SYT12: variants seen among roughly 807,000 people sequenced by gnomAD.
The protein encoded by SYT12 is synaptotagmin 12.
In SYT12, 27 loss-of-function variants were observed where a neutral mutation model predicts 39.5. That is an observed-to-expected ratio of 0.68 (90% CI 0.50 to 0.94). The LOEUF (loss-of-function observed/expected upper bound fraction) is 0.94, where lower values mean the gene tolerates loss of function less well. Among genes scored for constraint, SYT12 ranks in the 40% least tolerant of loss-of-function variants. The pLI, the probability that SYT12 is intolerant of heterozygous loss-of-function variation, is 0.00. For missense variants in SYT12, 536 were observed against 572.6 expected (o/e 0.94, Z 0.65); for synonymous variants, 233 against 239.7 (o/e 0.97, Z 0.26).
At chr11:67,023,851 G>A (rs535399720) in intron 1 of SYT12, among the ~76,000 whole-genome samples, 1 of 152,340 alleles carries the variant, frequency 6.6e-6, no homozygotes, top group South Asian at 2.1e-4. Flanking sequence ...ACACCCTGGA[G>A]GTTCCCGAGG....
chr11:67,041,305 C>T (rs1472789660), intron 4 of SYT12, among the ~76,000 whole-genome samples: 1 of 152,006 alleles, frequency 6.6e-6, no homozygotes, highest in African/African-American at 2.4e-5. Context: ...AACCCCGTCT[C>T]TACTAAAAAT....
At chr11:67,038,870 C>T (rs1376534715) in intron 3 of SYT12, among the ~76,000 whole-genome samples, 1 of 151,284 alleles carries the variant, frequency 6.6e-6, no homozygotes, top group Non-Finnish European at 1.5e-5. Flanking sequence ...GCCTGTAGTC[C>T]CAGCTACTTG....
chr11:67,039,702 G>T lies in SYT12; in HGVS notation c.229-109G>T, dbSNP rs550196929. The T allele has an allele frequency of 4.4e-5, 60 of 1,357,150 alleles. No individual in the cohort carries two copies. In the African/African-American group the frequency reaches 7.2e-4, roughly 16 times the overall value. 84.1% of individuals were successfully genotyped at this position (1,357,150 alleles called of 1,614,324 possible). A position where few individuals can be genotyped will look rare whatever the true frequency, so the allele number is the denominator to read the frequency against. On this transcript the variant is annotated intron_variant, in intron 3 of 7. Coordinates refer to ENST00000527043, the MANE Select transcript of SYT12 (RefSeq NM_177963.4). The stretch of plus-strand genomic sequence containing the variant: ...GGGATGCAGGGCTTCTGTGAAAGGG[G>T]AACTTGGAGATTCGAGAATGAACAG...
intron 3 of SYT12, among the ~76,000 whole-genome samples, chr11:67,035,790 T>TTTTCTTTTC (rs1491375358): frequency 1.6e-4 from 12 of 73,228 alleles, no homozygotes; most frequent in African/African-American, 6.6e-4. Context: ...TTTTCTTTTC[T>TTTTCTTTTC]TTCCTTCCTT....
At chr11:67,048,257 T>G (rs1590660246) in intron 7 of SYT12, among the ~76,000 whole-genome samples, 10 of 133,134 alleles carry the variant, frequency 7.5e-5, no homozygotes, top group African/African-American at 8.6e-5. Flanking sequence ...GGTAACAGAG[T>G]GAGACTGTCT....
chr11:67,016,287 G>A (rs1489895135), intron 3 of SYT12, among the ~76,000 whole-genome samples: 1 of 152,068 alleles, frequency 6.6e-6, no homozygotes, highest in Non-Finnish European at 1.5e-5. Flanking sequence ...GTCTCATTAA[G>A]AAAATAAATA....
intron 3 of SYT12, among the ~76,000 whole-genome samples, chr11:67,013,319 T>G (rs1208625760): frequency 6.6e-6 from 1 of 152,192 alleles, no homozygotes; most frequent in Non-Finnish European, 1.5e-5. Flanking sequence ...CAAGCTCTTG[T>G]GTCTGCCGAG....
In SYT12 at chr11:67,034,631, C is replaced by G. The variant is rs767482776; in HGVS notation, c.35-14C>G. 6.3e-7 allele frequency: 1 copy of G among 1,575,794 alleles called. No individual in the cohort carries two copies. Among genetic ancestry groups the G allele is most frequent in the Non-Finnish European group, 8.6e-7 (1 of 1,166,778 alleles). Reference sequence around the variant, plus strand: ...ACTAGGAAGCCCTAATGAGAGGCTGCCCTTGCCTTGCAGTCATCAAGAGCC... The same window carrying G: ...ACTAGGAAGCCCTAATGAGAGGCTGGCCTTGCCTTGCAGTCATCAAGAGCC... On this transcript the variant is annotated splice_polypyrimidine_tract_variant and intron_variant, in intron 2 of 7. Coordinates refer to ENST00000527043, the MANE Select transcript of SYT12 (RefSeq NM_177963.4).
intron 3 of SYT12, among the ~76,000 whole-genome samples, chr11:67,014,772 T>G (rs1244746542): frequency 1.1e-4 from 16 of 152,124 alleles, no homozygotes; most frequent in Admixed American, 1.0e-3. Context: ...GTGCCCTGGC[T>G]GGCTGTCCGT....
intron 3 of SYT12, among the ~76,000 whole-genome samples, chr11:67,038,526 A>G (rs1950432112): frequency 6.6e-6 from 1 of 152,002 alleles, no homozygotes; most frequent in African/African-American, 2.4e-5. Context: ...CTGTGTTGTA[A>G]ACTTCCCTTG....
intron 3 of SYT12, among the ~76,000 whole-genome samples, chr11:67,038,086 T>A (rs1342642598): frequency 6.6e-6 from 1 of 151,500 alleles, no homozygotes. Flanking sequence ...TGGAAGATGC[T>A]TATGGAATAA....
At chr11:67,043,995 A>G (rs922524750) in intron 5 of SYT12, 142 bp downstream of exon 5, 1 of 818,320 alleles carries the variant, frequency 1.2e-6, no homozygotes, top group African/African-American at 1.7e-5. Flanking sequence ...GACCTGAGCC[A>G]CATCCGAGGA....
intron 4 of SYT12, among the ~76,000 whole-genome samples, chr11:67,041,332 C>T (rs1323547483): frequency 2.0e-5 from 3 of 151,612 alleles, no homozygotes; most frequent in Non-Finnish European, 4.4e-5. Context: ...ATTAGCAGGG[C>T]ATGTGGTGCA....
intron 7 of SYT12, among the ~76,000 whole-genome samples, chr11:67,046,641 G>A (rs541886962): frequency 6.6e-6 from 1 of 152,314 alleles, no homozygotes; most frequent in Admixed American, 6.5e-5. Context: ...CCTGGGTATC[G>A]TAGCCTTCAC....
At chr11:67,038,033 A>T (rs1378565822) in intron 3 of SYT12, among the ~76,000 whole-genome samples, 21 of 145,828 alleles carry the variant, frequency 1.4e-4, no homozygotes, top group Admixed American at 1.4e-3. Context: ...GGCAAGTGAG[A>T]CCCTGTCTCA....
intron 7 of SYT12, 86 bp from the exon 8 acceptor site, chr11:67,048,498 C>A (rs1041498322): frequency 7.5e-6 from 11 of 1,460,942 alleles, no homozygotes; most frequent in Non-Finnish European, 6.5e-6. Flanking sequence ...CCCACTGGGG[C>A]CTGACATTTG....
At chr11:67,007,144 G>C (rs1168819262) in exon 1 of SYT12, 1 of 152,438 alleles carries the variant, frequency 6.6e-6, no homozygotes, top group African/African-American at 2.4e-5. Flanking sequence ...TTGAGGCCAA[G>C]ACCTGGGGTG....
At chr11:67,034,535 A>C (rs1950322890) in intron 2 of SYT12, 110 bp from the exon 3 acceptor site, 8 of 928,384 alleles carry the variant, frequency 8.6e-6, no homozygotes, top group Non-Finnish European at 1.2e-5. Flanking sequence ...CACCTAGCAC[A>C]TAGTAGGCAT....
upstream of SYT12, among the ~76,000 whole-genome samples, chr11:67,018,836 AAAAG>A (rs767172845): frequency 1.2e-4 from 18 of 152,208 alleles, 1 homozygote; most frequent in South Asian, 1.2e-3. Context: ...AAAAAAAAGA[AAAAG>A]AAAACAAAAG....
Sources: allele counts gnomAD v4.1 joint callset (sites outside exome capture counted in the v4.1 genomes callset), GRCh38; gene constraint gnomAD v4.1.1; transcripts MANE v1.5; gene names NCBI Gene and HGNC (gene_info 2026-07-23, HGNC 2026-07-21).